The following SH3PXD2A variants were observed in gnomAD, a reference collection of about 807,000 sequenced individuals.
SH3PXD2A encodes SH3 and PX domains 2A, also known as SH3 and PX domain-containing protein 2A.
Under a neutral mutation model 115.2 loss-of-function variants are expected in SH3PXD2A, and 32 were observed. The observed-to-expected ratio is 0.28, with a 90% CI of 0.21 to 0.37. SH3PXD2A has a LOEUF of 0.37. Among genes scored for constraint, SH3PXD2A ranks in the 10% least tolerant of loss-of-function variants. The pLI, the probability that SH3PXD2A is intolerant of heterozygous loss-of-function variation, is 1.00. For synonymous variants in SH3PXD2A, 610 were observed against 629.1 expected (o/e 0.97, Z 0.45); for missense variants, 1,328 against 1,498.7 (o/e 0.89, Z 1.88).
rs1296500885 is a variant in SH3PXD2A, at chr10:103,606,631, A to C, written c.1309-714T>G. 3.3e-5 allele frequency among the ~76,000 whole-genome samples: 5 copies of C among 151,896 alleles called. No homozygotes were observed. The East Asian group carries it at 9.7e-4, about 30-fold the overall frequency. ...TGCCTCAGCCTGCCGAGTGCCTGCG[A>C]TTGCAGGCGCGCGCCGCCATGCCTG... On this transcript the variant is annotated intron_variant, in intron 13 of 14. Transcript: ENST00000369774.
At position 103,602,860 on chromosome 10, in the gene SH3PXD2A, G is replaced by T; in HGVS notation, c.2358C>A (p.Gly786=). ...AGCCCTTGAGCCCTCCACGGAGCTG[G>T]CCTGTGGGTCTCAGCTGGCGCCGTA... ...STLRRQLRPT[G]QLRGGLKGSK... Residue 786 remains glycine, a synonymous_variant, in exon 15 of 15, where the codon GGC becomes GGA. Transcript: ENST00000369774. The T allele has an allele frequency of 6.2e-7, 1 of 1,614,124 alleles. No individual in the cohort carries two copies. Among genetic ancestry groups the T allele is most frequent in the Non-Finnish European group, 8.5e-7 (1 of 1,179,954 alleles).
At chr10:103,838,449 A>C (rs2039567026) in intron 1 of SH3PXD2A, among the ~76,000 whole-genome samples, 1 of 152,242 alleles carries the variant, frequency 6.6e-6, no homozygotes. Flanking sequence ...CCAAGGCCAC[A>C]CAGCAATAAA....
At chr10:103,794,375 G>GTGCTTT (rs2134255299) in intron 2 of SH3PXD2A, among the ~76,000 whole-genome samples, 1 of 152,320 alleles carries the variant, frequency 6.6e-6, no homozygotes, top group East Asian at 1.9e-4. Context: ...TCGCTGGCCA[G>GTGCTTT]AGTTCAGACT....
intron 4 of SH3PXD2A, among the ~76,000 whole-genome samples, chr10:103,729,130 A>C (rs1042215509): frequency 6.6e-6 from 1 of 152,036 alleles, no homozygotes; most frequent in Non-Finnish European, 1.5e-5. Flanking sequence ...TCCTGACCTC[A>C]AGTAAGTGAT....
At chr10:103,708,830 AC>A (rs1024059197) in intron 5 of SH3PXD2A, among the ~76,000 whole-genome samples, 2 of 152,078 alleles carry the variant, frequency 1.3e-5, no homozygotes, top group African/African-American at 4.8e-5. Context: ...AGGACCTAGC[AC>A]CGTGCCCAGC....
chr10:103,693,145 G>A, intron 5 of SH3PXD2A, 89 bp from the exon 6 acceptor site: 2 of 1,127,330 alleles, frequency 1.8e-6, no homozygotes, highest in Non-Finnish European at 2.6e-6. Context: ...GGCTGGCTGC[G>A]GTCGGTCCCC....
At chr10:103,638,276 C>G (rs1326298091) in intron 8 of SH3PXD2A, among the ~76,000 whole-genome samples, 2 of 152,236 alleles carry the variant, frequency 1.3e-5, no homozygotes, top group Non-Finnish European at 1.5e-5. Flanking sequence ...TTAGCACAGG[C>G]TGCTACGTCA....
At chr10:103,712,090 C>T (rs1309608815) in intron 5 of SH3PXD2A, among the ~76,000 whole-genome samples, 8 of 152,024 alleles carry the variant, frequency 5.3e-5, no homozygotes, top group Middle Eastern at 3.4e-3. Context: ...CCAAAACCTC[C>T]CTCTGGGATC....
intron 3 of SH3PXD2A, among the ~76,000 whole-genome samples, chr10:103,764,784 G>A (rs562992551): frequency 9.1e-4 from 138 of 152,282 alleles, no homozygotes; most frequent in African/African-American, 3.0e-3. Flanking sequence ...CCTGGCCCAG[G>A]AGTCAGGAAT....
In SH3PXD2A at chr10:103,627,125, C is replaced by A. The variant is rs763334045; in HGVS notation, c.682G>T (p.Asp228Tyr). ...TYLEAQNGTR[D>Y]DSDINTSKTG... ...TTAGAGGTGTTGATGTCGGAGTCAT[C>A]CCGAGTACCATTCTGGGCCTCCAGG... Residue 228 changes from aspartate (D) to tyrosine (Y), a missense_variant, in exon 9 of 15, where the codon GAT becomes TAT. Physicochemically the swap from Asp to Tyr is radical, Grantham distance 160. Transcript: ENST00000369774. The surrounding 1 kb of genome is among the most constrained non-coding windows in gnomAD (Gnocchi z 4.4). 3 of 1,613,188 alleles carry A rather than the reference C, an allele frequency of 1.9e-6. No homozygotes were observed. The highest frequency in any genetic ancestry group is 1.7e-6 in the Non-Finnish European group (2 of 1,179,160).
Position 103,597,188 on chromosome 10 carries a change from C to G in SH3PXD2A, c.*4628G>C, listed in dbSNP as rs542198088. ...AAGTCGCTGAGATGAATGGGCAGCC[C>G]AGGCTCAGCCCCAGGCCCTGCTGCA... On this transcript the variant is annotated 3_prime_UTR_variant, in exon 15 of 15. Coordinates refer to ENST00000369774, the MANE Select transcript of SH3PXD2A (RefSeq NM_001394015.1). The G allele has an allele frequency of 6.5e-6, 1 of 152,842 alleles. No individual in the cohort carries two copies. Among genetic ancestry groups the G allele is most frequent in the Non-Finnish European group, 1.5e-5 (1 of 68,092 alleles). 9.5% of individuals were successfully genotyped at this position (152,842 alleles called of 1,614,324 possible). A position where few individuals can be genotyped will look rare whatever the true frequency, so the allele number is the denominator to read the frequency against.
chr10:103,611,678 A>G (rs2036431360), intron 12 of SH3PXD2A, 48 bp from the exon 13 acceptor site: 1 of 1,461,554 alleles, frequency 6.8e-7, no homozygotes, highest in Non-Finnish European at 9.6e-7. Flanking sequence ...ACGATGGGCA[A>G]CAGTACCCAT....
At chr10:103,618,200 G>A (rs1197446599) in intron 10 of SH3PXD2A, among the ~76,000 whole-genome samples, 1 of 152,240 alleles carries the variant, frequency 6.6e-6, no homozygotes, top group Non-Finnish European at 1.5e-5. Flanking sequence ...GCTTGGGAGG[G>A]CAGGTGTGGG....
chr10:103,750,054 T>G (rs949039278), intron 3 of SH3PXD2A: 22 of 152,192 alleles, frequency 1.4e-4, no homozygotes, highest in African/African-American at 5.3e-4. Context: ...ATAATACATT[T>G]TTATTGTTGT....
At chr10:103,701,407 C>A (rs2037901437) in intron 5 of SH3PXD2A, among the ~76,000 whole-genome samples, 1 of 143,676 alleles carries the variant, frequency 7.0e-6, no homozygotes, top group Non-Finnish European at 1.5e-5. Context: ...TCCATCCATC[C>A]ACCATCCATC....
intron 3 of SH3PXD2A, among the ~76,000 whole-genome samples, chr10:103,736,109 G>T (rs900265942): frequency 1.3e-5 from 2 of 152,196 alleles, no homozygotes; most frequent in African/African-American, 4.8e-5. Context: ...ATGAATGCCC[G>T]GAGTGGGTGC....
chr10:103,778,366 A>G (rs1382732651), intron 2 of SH3PXD2A, among the ~76,000 whole-genome samples: 2 of 152,146 alleles, frequency 1.3e-5, no homozygotes, highest in East Asian at 3.9e-4. Context: ...GAATAGGTAG[A>G]GCGCTTTAAC....
At chr10:103,841,349 G>T (rs890360710) in intron 1 of SH3PXD2A, among the ~76,000 whole-genome samples, 1 of 152,152 alleles carries the variant, frequency 6.6e-6, no homozygotes, top group Non-Finnish European at 1.5e-5. Context: ...GCACACAGTA[G>T]GCACAAAAAT....
intron 3 of SH3PXD2A, among the ~76,000 whole-genome samples, chr10:103,742,639 C>A (rs117099929): frequency 0.012 from 1,800 of 152,302 alleles, 15 homozygotes; most frequent in Admixed American, 0.022. Context: ...ATTTCAGTGG[C>A]CCCAAGGACA....
Sources: gnomAD v4.1 joint callset for allele counts (sites outside exome capture counted in the v4.1 genomes callset) on GRCh38, gnomAD v4.1.1 for gene constraint, Gnocchi (gnomAD v3.1) non-coding constraint, MANE v1.5 for transcripts, NCBI Gene and HGNC (gene_info 2026-07-23, HGNC 2026-07-21) for gene names.